Variants in BCAR1 observed in about 807,000 individuals in gnomAD.
BCAR1 encodes breast cancer anti-estrogen resistance protein 1.
Under a neutral mutation model 67.6 loss-of-function variants are expected in BCAR1, and 30 were observed. The observed-to-expected ratio is 0.44, with a 90% CI of 0.33 to 0.60. The LOEUF (loss-of-function observed/expected upper bound fraction) is 0.60, where lower values mean the gene tolerates loss of function less well. Ranked by LOEUF, BCAR1 falls within the 20% of genes least tolerant of loss-of-function variation. The pLI, the probability that BCAR1 is intolerant of heterozygous loss-of-function variation, is 0.02. For synonymous variants in BCAR1, 626 were observed against 556.7 expected (o/e 1.12, Z -1.75); for missense variants, 1,313 against 1,222.3 (o/e 1.07, Z -1.11).
chr16:75,264,491 T>C, intron 1 of BCAR1: 1 of 1,450,226 alleles, frequency 6.9e-7, no homozygotes, highest in Non-Finnish European at 9.1e-7. Flanking sequence ...AGGAAGGGCT[T>C]GGCAGGCATG....
At chr16:75,265,961 C>A (rs1383098092) in intron 1 of BCAR1, 13 of 1,071,712 alleles carry the variant, frequency 1.2e-5, no homozygotes, top group Middle Eastern at 4.2e-4. Context: ...GGCTCCTGAG[C>A]GTTCCCGGAC....
At chr16:75,238,984 C>G (rs992140807) in intron 2 of BCAR1, 59 of 985,284 alleles carry the variant, frequency 6.0e-5, no homozygotes, top group Non-Finnish European at 6.7e-5. Flanking sequence ...CGGTGGCCAT[C>G]CCAACCTCAC....
Position 75,242,990 on chromosome 16 carries a change from T to G in BCAR1, c.113A>C (p.Gln38Pro). 1 of 1,613,498 alleles carries G rather than the reference T, an allele frequency of 6.2e-7. No homozygotes were observed. The highest frequency in any genetic ancestry group is 8.5e-7 in the Non-Finnish European group (1 of 1,179,886). ...DIMTVLEQDT[Q>P]GLDGWWLCSL... The stretch of plus-strand genomic sequence containing the variant: ...GCAGAGCCACCAGCCGTCCAGGCCC[T>G]GCGTGTCCTGCTCCAGCACCGTCAT... Residue 38 changes from glutamine (Q) to proline (P), a missense_variant, in exon 2 of 7, where the codon CAG (glutamine) becomes CCG (proline). By Grantham distance (76) the Gln-to-Pro change is moderately conservative (BLOSUM62 -1). Transcript: ENST00000162330.
upstream of BCAR1, among the ~76,000 whole-genome samples, chr16:75,253,147 G>T (rs191860067): frequency 1.3e-5 from 2 of 152,170 alleles, no homozygotes; most frequent in East Asian, 1.9e-4. Flanking sequence ...CCAGCCTTCA[G>T]GGAAGCTGCC....
At chr16:75,251,074 C>T in intron 1 of BCAR1, 1 of 733,946 alleles carries the variant, frequency 1.4e-6, no homozygotes, top group Non-Finnish European at 1.7e-6. Flanking sequence ...GCCACACCAG[C>T]CGGACCACCC....
rs771169399 is a variant in BCAR1, at chr16:75,234,908, T to C, written c.1991A>G (p.Tyr664Cys). The change falls in exon 5 of 7, where the codon TAT (tyrosine) becomes TGT (cysteine). Residue 664 changes from tyrosine to cysteine, a missense_variant. Around this residue, in one of 2 missense-constraint regions of BCAR1, gnomAD observed 1,272 missense variants for 1,137.5 expected, o/e 1.12. Coordinates refer to ENST00000162330, the MANE Select transcript of BCAR1 (RefSeq NM_014567.5). ...ENSEGGWMED[Y>C]DYVHLQGKEE... Reference sequence around the variant, plus strand: ...ACCCACCTGTAGGTGGACGTAGTCATAGTCCTCCATCCAGCCCCCCTCGCT... The same window carrying C: ...ACCCACCTGTAGGTGGACGTAGTCACAGTCCTCCATCCAGCCCCCCTCGCT... 7.8e-6 allele frequency: 12 copies of C among 1,540,744 alleles called. No homozygotes were observed. Among genetic ancestry groups the C allele is most frequent in the African/African-American group, 6.8e-5 (5 of 73,286 alleles).
intron 2 of BCAR1, among the ~76,000 whole-genome samples, chr16:75,241,749 G>A (rs2077350292): frequency 6.6e-6 from 1 of 152,186 alleles, no homozygotes; most frequent in Admixed American, 6.5e-5. Flanking sequence ...CACCAATGAG[G>A]TCTCCACCTC....
rs1204075066 is a variant in BCAR1 at position 75,229,682 on chromosome 16, G to A, written c.2442C>T (p.His814=). Residue 814 remains histidine, a synonymous_variant, in exon 7 of 7, where the codon CAC becomes CAT. Transcript: ENST00000162330. Reference sequence around the variant, plus strand: ...GGAGGTCGCACAGCAGGTTGCTGTAGTGGGTCACCTGGCTGCGCACGTCAG... The same window carrying A: ...GGAGGTCGCACAGCAGGTTGCTGTAATGGGTCACCTGGCTGCGCACGTCAG... ...KAADVRSQVT[H]YSNLLCDLLR... is the part of the protein sequence containing the mutation. 1 of 1,612,924 alleles carries A rather than the reference G, an allele frequency of 6.2e-7. No homozygotes were observed.
intron 6 of BCAR1, among the ~76,000 whole-genome samples, chr16:75,233,349 T>C (rs1340569672): frequency 1.3e-5 from 2 of 151,644 alleles, no homozygotes; most frequent in African/African-American, 4.9e-5. Context: ...CTCTAGCCTG[T>C]GTGACAGAAC....
At chr16:75,261,936 T>C (rs1212406199) in intron 1 of BCAR1, among the ~76,000 whole-genome samples, 1 of 152,190 alleles carries the variant, frequency 6.6e-6, no homozygotes, top group Admixed American at 6.5e-5. Flanking sequence ...TGTTACTTAA[T>C]CACCCTCCTT....
chr16:75,241,347 G>GT (rs2077334425), intron 2 of BCAR1, among the ~76,000 whole-genome samples: 1 of 152,152 alleles, frequency 6.6e-6, no homozygotes, highest in Admixed American at 6.5e-5. Flanking sequence ...ATGGGTGTTC[G>GT]TATCTGTGGG....
intron 5 of BCAR1, among the ~76,000 whole-genome samples, chr16:75,234,452 T>C (rs992237732): frequency 2.6e-5 from 4 of 152,160 alleles, no homozygotes; most frequent in Non-Finnish European, 4.4e-5. Flanking sequence ...ACCTGGTCCC[T>C]GCCCCTGGAT....
intron 4 of BCAR1, 129 bp downstream of exon 4, chr16:75,236,753 A>C: frequency 7.2e-7 from 1 of 1,390,016 alleles, no homozygotes; most frequent in South Asian, 1.9e-5. Flanking sequence ...ATCCAGAACC[A>C]GGGTCTGGAG....
chr16:75,250,952 G>T, intron 1 of BCAR1: 1 of 985,386 alleles, frequency 1.0e-6, no homozygotes, highest in Non-Finnish European at 1.2e-6. Context: ...ATCATTAACT[G>T]GAGCCGGGTG....
intron 1 of BCAR1, chr16:75,264,393 C>A: frequency 6.5e-7 from 1 of 1,532,666 alleles, no homozygotes; most frequent in Non-Finnish European, 8.7e-7. Context: ...GTCCCTCTGC[C>A]CAGTGCCCAC....
At chr16:75,237,937 G>A (rs988560077) in intron 2 of BCAR1, among the ~76,000 whole-genome samples, 2 of 152,146 alleles carry the variant, frequency 1.3e-5, no homozygotes, top group Admixed American at 1.3e-4. Context: ...GTGTGTGCTG[G>A]GGGGCGCAGC....
chr16:75,254,556 C>T (rs2077738353), upstream of BCAR1, among the ~76,000 whole-genome samples: 1 of 152,228 alleles, frequency 6.6e-6, no homozygotes, highest in African/African-American at 2.4e-5. Flanking sequence ...TGCAGAGGCA[C>T]ACACTTGCAT....
In BCAR1 at chr16:75,229,693, G is replaced by C; in HGVS notation, c.2431C>G (p.Gln811Glu). The C allele has an allele frequency of 6.2e-7, 1 of 1,612,894 alleles. No homozygotes were observed. Among genetic ancestry groups the C allele is most frequent in the African/African-American group, 1.3e-5 (1 of 75,066 alleles). ...RQAKAADVRS[Q>E]VTHYSNLLCD... is the part of the protein sequence containing the mutation. The stretch of plus-strand genomic sequence containing the variant: ...AGCAGGTTGCTGTAGTGGGTCACCT[G>C]GCTGCGCACGTCAGCAGCCTTGGCC... The change falls in exon 7 of 7, where the codon CAG becomes GAG. Residue 811 changes from glutamine (Q) to glutamate (E), a missense_variant. Physicochemically the swap from Gln to Glu is conservative, Grantham distance 29. Around this residue, in one of 2 missense-constraint regions of BCAR1, gnomAD observed 1,272 missense variants for 1,137.5 expected, o/e 1.12. Coordinates refer to ENST00000162330, the MANE Select transcript of BCAR1 (RefSeq NM_014567.5).
At chr16:75,254,647 G>T (rs1483285242), upstream of BCAR1, among the ~76,000 whole-genome samples, 2 of 152,240 alleles carry the variant, frequency 1.3e-5, no homozygotes, top group African/African-American at 4.8e-5. Flanking sequence ...GGAGCTGGGA[G>T]AGGTTGTTGC....
Sources: allele counts gnomAD v4.1 joint callset (sites outside exome capture counted in the v4.1 genomes callset), GRCh38; gene constraint gnomAD v4.1.1; regional missense constraint gnomAD v4.1.1; transcripts MANE v1.5; gene names NCBI Gene and HGNC (gene_info 2026-07-23, HGNC 2026-07-21).